The following RSPO1 variants were observed in gnomAD, a reference collection of about 807,000 sequenced individuals.
RSPO1 encodes the protein R-spondin-1.
A neutral mutation model predicts 26.0 loss-of-function variants in RSPO1; 18 were observed. The observed-to-expected ratio is 0.69, with a 90% CI of 0.48 to 1.03. RSPO1 has a LOEUF of 1.03. RSPO1 is among the 50% of genes least tolerant of loss of function. The pLI is 0.00. For missense variants in RSPO1, 309 were observed against 352.3 expected (o/e 0.88, Z 0.98); for synonymous variants, 133 against 137.4 (o/e 0.97, Z 0.22).
At position 37,612,649 on chromosome 1, in the gene RSPO1, AGT is replaced by A; in HGVS notation, c.*104_*105del. 7.8e-6 allele frequency: 9 copies of A among 1,152,350 alleles called. No individual in the cohort carries two copies. The highest frequency in any genetic ancestry group is 1.0e-5 in the Non-Finnish European group (8 of 775,514). 71.4% of individuals were successfully genotyped at this position (1,152,350 alleles called of 1,614,324 possible). On this transcript the variant is annotated 3_prime_UTR_variant, in exon 7 of 7. Transcript: ENST00000356545. ...GTCTATGTATGCATGGATGGATTGG[AGT>A]GTGTGTGTATGCTTTGCCCCCGACG...
chr1:37,617,106 AC>A (rs149554512), intron 3 of RSPO1, among the ~76,000 whole-genome samples: 25 of 152,350 alleles, frequency 1.6e-4, no homozygotes, highest in Non-Finnish European at 2.6e-4. Context: ...AGGACCACCT[AC>A]CCAGAAACAC....
At chr1:37,624,439 C>T (rs1644248011) in intron 3 of RSPO1, among the ~76,000 whole-genome samples, 1 of 152,022 alleles carries the variant, frequency 6.6e-6, no homozygotes, top group Non-Finnish European at 1.5e-5. Context: ...CTTCAGCACC[C>T]CCAGCTCTGC....
At chr1:37,616,754 G>GAATA (rs1301763281) in intron 3 of RSPO1, 79 bp from the exon 4 acceptor site, 2 of 1,271,380 alleles carry the variant, frequency 1.6e-6, no homozygotes, top group African/African-American at 2.9e-5. Context: ...GATGGGAAGT[G>GAATA]AATAGATCGA....
chr1:37,634,061 C>G lies in RSPO1; in HGVS notation c.-356+505G>C, dbSNP rs993745500. On this transcript the variant is annotated intron_variant, in intron 1 of 6. Transcript: ENST00000356545. This position sits in a 1 kb window ranked among gnomAD's most constrained non-coding sequence, Gnocchi z 4.7. ...CTAAGCGATACCATCGGTTCCTGAG[C>G]GCCAGACCCCGAGGGCCAGGGAGCC... is the stretch of plus-strand genomic sequence containing the variant. Among the ~76,000 whole-genome samples, 2 of 152,190 alleles carry G rather than the reference C, an allele frequency of 1.3e-5. No individual in the cohort carries two copies. The highest frequency in any genetic ancestry group is 2.9e-5 in the Non-Finnish European group (2 of 68,036).
intron 3 of RSPO1, among the ~76,000 whole-genome samples, chr1:37,620,447 A>G (rs1377684625): frequency 1.3e-5 from 2 of 152,072 alleles, no homozygotes; most frequent in Non-Finnish European, 2.9e-5. Context: ...CCTGGCCAAT[A>G]TGGTGAAACC....
intron 3 of RSPO1, among the ~76,000 whole-genome samples, chr1:37,623,677 A>G (rs548386896): frequency 6.6e-6 from 1 of 151,934 alleles, no homozygotes; most frequent in Non-Finnish European, 1.5e-5. Flanking sequence ...TAGGAGTTGC[A>G]GACCAGCTTG....
chr1:37,615,778 C>T (rs1644101765), intron 4 of RSPO1, among the ~76,000 whole-genome samples: 1 of 152,160 alleles, frequency 6.6e-6, no homozygotes, highest in Non-Finnish European at 1.5e-5. Context: ...GCATGTGGAG[C>T]TGTAGCTGTT....
chr1:37,628,928 G>A (rs1286941754), intron 3 of RSPO1, among the ~76,000 whole-genome samples: 3 of 152,232 alleles, frequency 2.0e-5, no homozygotes, highest in African/African-American at 2.4e-5. Flanking sequence ...ATTACCAAAA[G>A]CAGGGAAAAG....
At chr1:37,614,106 G>T (rs567744001) in intron 5 of RSPO1, 78 bp downstream of exon 5, 2 of 1,530,960 alleles carry the variant, frequency 1.3e-6, no homozygotes, top group Non-Finnish European at 1.8e-6. Context: ...CAGCCCACCC[G>T]CTCTCTTGCC....
rs928905580 is a variant in RSPO1 at position 37,634,300 on chromosome 1, T to C, written c.-356+266A>G. ...AATTCAGGACTGCGAGTGAGGATGA[T>C]CACCCGGGGCTGCGGGATGGAGGGG... On this transcript the variant is annotated intron_variant, in intron 1 of 6. Coordinates refer to ENST00000356545, the MANE Select transcript of RSPO1 (RefSeq NM_001242908.2). The surrounding 1 kb of genome is among the most constrained non-coding windows in gnomAD (Gnocchi z 4.7). 6.6e-6 allele frequency among the ~76,000 whole-genome samples: 1 copy of C among 152,050 alleles called. No individual in the cohort carries two copies. The highest frequency in any genetic ancestry group is 2.4e-5 in the African/African-American group (1 of 41,384).
chr1:37,620,669 A>T (rs1644187383), intron 3 of RSPO1, among the ~76,000 whole-genome samples: 1 of 148,910 alleles, frequency 6.7e-6, no homozygotes, highest in Admixed American at 6.7e-5. Context: ...TATATGATAA[A>T]AATAAAAATC....
In RSPO1 at chr1:37,612,749, G is replaced by T. The variant is rs568772955; in HGVS notation, c.*6C>A. 5.6e-6 allele frequency: 9 copies of T among 1,609,202 alleles called. No individual in the cohort carries two copies. In the Admixed American group the frequency reaches 6.7e-5, roughly 12 times the overall value. On this transcript the variant is annotated 3_prime_UTR_variant, in exon 7 of 7. Transcript: ENST00000356545. ...TCTGCATGGGCCTGGAGGCTGGACAGTGTCCCTAGGCAGGCCCTGCAGATG... is the reference window on the plus strand; with the variant it reads ...TCTGCATGGGCCTGGAGGCTGGACATTGTCCCTAGGCAGGCCCTGCAGATG...
At chr1:37,633,285 C>G (rs1000508883) in intron 1 of RSPO1, among the ~76,000 whole-genome samples, 1 of 152,214 alleles carries the variant, frequency 6.6e-6, no homozygotes, top group Non-Finnish European at 1.5e-5. Flanking sequence ...CTGGGAGCTG[C>G]TGAGTGTGGG....
chr1:37,628,261 A>T (rs2148182315), intron 3 of RSPO1, among the ~76,000 whole-genome samples: 1 of 152,338 alleles, frequency 6.6e-6, no homozygotes, highest in South Asian at 2.1e-4. Context: ...TGGCCCATGG[A>T]GTCCAAAATA....
Position 37,614,430 on chromosome 1 carries a change from C to A in RSPO1, c.287-97G>T, listed in dbSNP as rs974670940. On this transcript the variant is annotated intron_variant, in intron 4 of 6. Coordinates refer to ENST00000356545, the MANE Select transcript of RSPO1 (RefSeq NM_001242908.2). ...TACCCTCCCTTCTGTCCACACCCAC[C>A]TACATGGAGGGCAGGACCCTGGCCT... is the stretch of plus-strand genomic sequence containing the variant. The A allele has an allele frequency of 4.3e-6, 6 of 1,399,182 alleles. No homozygotes were observed. The African/African-American group carries it at 5.7e-5, about 13-fold the overall frequency. The allele number at this position is 1,399,182 out of a possible 1,614,324, so 86.7% of individuals were successfully genotyped here.
At chr1:37,616,156 G>A (rs1644108261) in intron 4 of RSPO1, among the ~76,000 whole-genome samples, 1 of 152,168 alleles carries the variant, frequency 6.6e-6, no homozygotes, top group Admixed American at 6.5e-5. Context: ...TGGCAGTGTG[G>A]ACATACAGGA....
chr1:37,620,029 G>A (rs551627660), intron 3 of RSPO1, among the ~76,000 whole-genome samples: 84 of 152,210 alleles, frequency 5.5e-4, no homozygotes, highest in African/African-American at 1.8e-3. Flanking sequence ...GATTACAGGC[G>A]TGAGCCACCC....
chr1:37,623,739 C>T (rs946100435), intron 3 of RSPO1, among the ~76,000 whole-genome samples: 3 of 150,754 alleles, frequency 2.0e-5, no homozygotes, highest in Admixed American at 1.3e-4. Context: ...GAACATAGAG[C>T]TTTATATATT....
In RSPO1 at chr1:37,629,587, C is replaced by G. The variant is rs775741997; in HGVS notation, c.75G>C (p.Lys25Asn). Residue 25 changes from lysine (K) to asparagine (N), a missense_variant, in exon 3 of 7, where the codon AAG (lysine) becomes AAC (asparagine). By Grantham distance (94) the Lys-to-Asn change is moderately conservative. Transcript: ENST00000356545. ...THLTISSRGI[K>N]GKRQRRISAE... ...ACTCACTCCGCCTCTGCCTTTTCCC[C>G]TTGATCCCCCGGCTGCTGATGGTGA... 2 of 1,614,202 alleles carry G rather than the reference C, an allele frequency of 1.2e-6. No individual in the cohort carries two copies. Among genetic ancestry groups the G allele is most frequent in the Non-Finnish European group, 1.7e-6 (2 of 1,180,050 alleles).
Sources: allele counts gnomAD v4.1 joint callset (sites outside exome capture counted in the v4.1 genomes callset), GRCh38; gene constraint gnomAD v4.1.1; non-coding constraint Gnocchi (gnomAD v3.1); transcripts MANE v1.5; gene names NCBI Gene and HGNC (gene_info 2026-07-23, HGNC 2026-07-21).